MORC3: variants seen among roughly 807,000 people sequenced by gnomAD.
The protein encoded by MORC3 is MORC family CW-type zinc finger 3, also known as MORC family CW-type zinc finger protein 3.
Under a neutral mutation model 109.1 loss-of-function variants are expected in MORC3, and 31 were observed. That is an observed-to-expected ratio of 0.28 (90% confidence interval 0.21 to 0.38). The LOEUF is 0.38. MORC3 is among the 10% of genes least tolerant of loss of function. The probability of loss-of-function intolerance (pLI) is 1.00; values close to 1 mark genes in which losing one functional copy is unlikely to be tolerated. For synonymous variants in MORC3, 395 were observed against 380.7 expected, an observed-to-expected ratio of 1.04 and a Z score of -0.44; for missense variants, 867 against 1,135.8, an observed-to-expected ratio of 0.76 and a Z score of 3.40.
intron 10 of MORC3, 127 bp from the exon 11 acceptor site, chr21:36,359,824 AAGAG>A: frequency 7.4e-7 from 1 of 1,344,526 alleles, no homozygotes; most frequent in Non-Finnish European, 1.0e-6. Context: ...CTAATTTTGA[AAGAG>A]TTACGTCATA....
chr21:36,370,876 C>T (rs913243301), intron 15 of MORC3, among the ~76,000 whole-genome samples: 1 of 151,646 alleles, frequency 6.6e-6, no homozygotes, highest in African/African-American at 2.4e-5. Flanking sequence ...ACCACATTGG[C>T]CAGGCTGATC....
intron 12 of MORC3, among the ~76,000 whole-genome samples, chr21:36,361,020 C>T (rs1234013702): frequency 1.3e-5 from 2 of 150,652 alleles, no homozygotes; most frequent in Non-Finnish European, 3.0e-5. Flanking sequence ...TGCAGTGAGC[C>T]AAGATCGCAT....
chr21:36,326,666 T>C (rs2085250878), intron 1 of MORC3, among the ~76,000 whole-genome samples: 1 of 152,238 alleles, frequency 6.6e-6, no homozygotes, highest in East Asian at 1.9e-4. Context: ...GCTGTACTCC[T>C]ATCAGTGGAA....
chr21:36,369,308 T>A lies in MORC3; in HGVS notation c.1940T>A (p.Leu647Ter). The A allele has an allele frequency of 1.2e-6, 2 of 1,614,140 alleles. No individual in the cohort carries two copies. The highest frequency in any genetic ancestry group is 1.7e-6 in the Non-Finnish European group (2 of 1,180,016). ...GCTACCCAGACTGAAGTACCAAGTT[T>A]AGTTGTTAAAAAAGAAGAAACTGTT... ...TAATQTEVPS[L>*]VVKKEETVED... Residue 647 changes from leucine to a stop codon, truncating the protein, a stop_gained, in exon 15 of 17, where the codon TTA becomes TAA. Transcript: ENST00000400485. LOFTEE classifies it high-confidence loss of function.
At chr21:36,347,732 T>G (rs1354042998) in intron 8 of MORC3, 1 of 152,172 alleles carries the variant, frequency 6.6e-6, no homozygotes, top group African/African-American at 2.4e-5. Context: ...TCTCAGTTGA[T>G]TTCACTGTGC....
In MORC3 at chr21:36,375,561, A is replaced by C; in HGVS notation, c.*265A>C. 1 of 279,070 alleles carries C rather than the reference A, an allele frequency of 3.6e-6. No individual in the cohort carries two copies. The allele number at this position is 279,070 out of a possible 1,614,324, so 17.3% of individuals were successfully genotyped here. A position where few individuals can be genotyped will look rare whatever the true frequency, so the allele number is the denominator to read the frequency against. On this transcript the variant is annotated 3_prime_UTR_variant, in exon 17 of 17. Transcript: ENST00000400485. ...TAAATATTTGTAATTAAGCCTGCACATATTTTTTTATTGCCCTAGAGTACT... is the reference window on the plus strand; with the variant it reads ...TAAATATTTGTAATTAAGCCTGCACCTATTTTTTTATTGCCCTAGAGTACT...
Position 36,375,482 on chromosome 21 carries a change from T to C in MORC3, c.*186T>C. On this transcript the variant is annotated 3_prime_UTR_variant, in exon 17 of 17. Coordinates refer to ENST00000400485, the MANE Select transcript of MORC3 (RefSeq NM_015358.3). ...ACATTATCTTATGTTTTGAAATACC[T>C]GTGAATTGTTGGCATTGAGCAGCTG... 1 of 514,428 alleles carries C rather than the reference T, an allele frequency of 1.9e-6. No homozygotes were observed. The highest frequency in any genetic ancestry group is 3.6e-5 in the East Asian group (1 of 27,836). 31.9% of individuals were successfully genotyped at this position (514,428 alleles called of 1,614,324 possible). A position where few individuals can be genotyped will look rare whatever the true frequency, so the allele number is the denominator to read the frequency against.
chr21:36,363,664 A>T (rs1175510816), intron 13 of MORC3, among the ~76,000 whole-genome samples: 1 of 152,212 alleles, frequency 6.6e-6, no homozygotes, highest in African/African-American at 2.4e-5. Context: ...TTTCTGCTGA[A>T]TGGGTATTGC....
chr21:36,323,452 G>A lies in MORC3; in HGVS notation c.39+3149G>A, dbSNP rs538402593. Among the ~76,000 whole-genome samples the A allele has an allele frequency of 1.3e-3, 200 of 152,246 alleles. 3 individuals carry two copies. The highest frequency in any genetic ancestry group is 0.012 in the Admixed American group (178 of 15,296). On this transcript the variant is annotated intron_variant, in intron 1 of 16. Coordinates refer to ENST00000400485, the MANE Select transcript of MORC3 (RefSeq NM_015358.3). Reference sequence around the variant, plus strand: ...TAAAAGGGCTGTGCGTGCCGTAGGTGCACAATAATGTTTGCTGTTTTTGTT... The same window carrying A: ...TAAAAGGGCTGTGCGTGCCGTAGGTACACAATAATGTTTGCTGTTTTTGTT...
Position 36,369,882 on chromosome 21 carries a change from T to G in MORC3, c.2508+6T>G. On this transcript the variant is annotated splice_donor_region_variant and intron_variant, in intron 15 of 16. Transcript: ENST00000400485. ...GGGACCAGTATAAAAGTGAGGTGAG[T>G]TATATCATCCAACATGTAGTCATGG... The G allele has an allele frequency of 2.5e-6, 4 of 1,597,258 alleles. No homozygotes were observed. The highest frequency in any genetic ancestry group is 1.7e-5 in the Admixed American group (1 of 59,714).
rs2085931145 is a variant in MORC3 at position 36,376,576 on chromosome 21, TG to T, written c.*1281del. On this transcript the variant is annotated 3_prime_UTR_variant, in exon 17 of 17. Coordinates refer to ENST00000400485, the MANE Select transcript of MORC3 (RefSeq NM_015358.3). The stretch of plus-strand genomic sequence containing the variant: ...TATGAAGCTGGTTTTCTGTCACAAT[TG>T]TAATTTCCCAAATTTTAAAATATCT... The T allele has an allele frequency of 6.6e-6, 1 of 152,142 alleles. No individual in the cohort carries two copies. The allele number at this position is 152,142 out of a possible 1,614,324, so 9.4% of individuals were successfully genotyped here.
chr21:36,366,441 G>A (rs1316083711), intron 14 of MORC3, among the ~76,000 whole-genome samples: 1 of 152,040 alleles, frequency 6.6e-6, no homozygotes, highest in Non-Finnish European at 1.5e-5. Flanking sequence ...AGAATAAAGA[G>A]GGAAATTTTT....
At chr21:36,347,007 TAAA>T (rs754081259) in intron 8 of MORC3, among the ~76,000 whole-genome samples, 5 of 113,678 alleles carry the variant, frequency 4.4e-5, no homozygotes, top group African/African-American at 6.2e-5. Context: ...CCCTGTCTCT[TAAA>T]AAAAAAAAAA....
At chr21:36,350,661 A>G (rs994546721) in intron 9 of MORC3, among the ~76,000 whole-genome samples, 1 of 152,178 alleles carries the variant, frequency 6.6e-6, no homozygotes, top group Admixed American at 6.6e-5. Flanking sequence ...TTAGAAATGA[A>G]AAAGAAGAAA....
intron 8 of MORC3, among the ~76,000 whole-genome samples, chr21:36,348,926 G>A (rs2146314045): frequency 6.6e-6 from 1 of 152,150 alleles, no homozygotes; most frequent in Admixed American, 6.6e-5. Flanking sequence ...TTGGGAGGCC[G>A]AGGCTGGTGG....
chr21:36,327,953 T>C (rs556939741), intron 1 of MORC3, among the ~76,000 whole-genome samples: 44 of 151,734 alleles, frequency 2.9e-4, no homozygotes, highest in African/African-American at 9.2e-4. Flanking sequence ...CTTGGCTCAC[T>C]GCAACCTCTG....
intron 1 of MORC3, among the ~76,000 whole-genome samples, chr21:36,331,106 C>G (rs1229051909): frequency 6.6e-6 from 1 of 152,160 alleles, no homozygotes; most frequent in Non-Finnish European, 1.5e-5. Context: ...CTTTCTGACA[C>G]CTTGTGGCAG....
At chr21:36,337,370 G>A (rs1213882608) in intron 3 of MORC3, among the ~76,000 whole-genome samples, 1 of 152,088 alleles carries the variant, frequency 6.6e-6, no homozygotes, top group Non-Finnish European at 1.5e-5. Context: ...AAATCTCACA[G>A]TCCCGGAAGC....
At chr21:36,354,318 T>C (rs1569101981) in intron 9 of MORC3, among the ~76,000 whole-genome samples, 11 of 105,780 alleles carry the variant, frequency 1.0e-4, no homozygotes. Flanking sequence ...TTTCTTTCTT[T>C]CTTTCTTTTT....
Sources: allele counts gnomAD v4.1 joint callset (sites outside exome capture counted in the v4.1 genomes callset), GRCh38; gene constraint gnomAD v4.1.1; transcripts MANE v1.5; gene names NCBI Gene and HGNC (gene_info 2026-07-23, HGNC 2026-07-21).